The following HUS1 variants were observed in gnomAD, a reference collection of about 807,000 sequenced individuals.
HUS1 encodes the protein checkpoint protein HUS1.
HUS1 carries 31 observed loss-of-function variants against 32.6 expected under a neutral mutation model. The ratio of observed to expected loss-of-function variants is 0.95; its 90% CI spans 0.72 to 1.28. The LOEUF is 1.28. Ranked by LOEUF, HUS1 falls within the 50% of genes most tolerant of loss-of-function variation. The probability of loss-of-function intolerance (pLI) is 0.00; values close to 1 mark genes in which losing one functional copy is unlikely to be tolerated. For missense variants in HUS1, 340 were observed against 337.7 expected, an observed-to-expected ratio of 1.01 and a Z score of -0.05; for synonymous variants, 123 against 116.6, an observed-to-expected ratio of 1.06 and a Z score of -0.36.
Position 47,964,341 on chromosome 7 carries a change from C to A in HUS1, c.*1015G>T, listed in dbSNP as rs1788432332. The A allele has an allele frequency of 6.6e-6, 1 of 152,230 alleles. No homozygotes were observed. The highest frequency in any genetic ancestry group is 1.5e-5 in the Non-Finnish European group (1 of 68,076). 9.4% of individuals were successfully genotyped at this position (152,230 alleles called of 1,614,324 possible). On this transcript the variant is annotated 3_prime_UTR_variant, in exon 8 of 8. Coordinates refer to ENST00000258774, the MANE Select transcript of HUS1 (RefSeq NM_004507.4). ...GGTGAGCCATGATTGTGGCACTGCA[C>A]TCCAGTCTGGGTGACAGAATGAGAC...
intron 5 of HUS1, among the ~76,000 whole-genome samples, chr7:47,971,772 TCA>T (rs1261284632): frequency 2.0e-5 from 3 of 152,210 alleles, no homozygotes; most frequent in African/African-American, 2.4e-5. Context: ...CATTCCATCC[TCA>T]CAGTGTCACA....
chr7:47,968,320 T>A (rs997821300), intron 6 of HUS1, among the ~76,000 whole-genome samples: 21 of 151,696 alleles, frequency 1.4e-4, no homozygotes, highest in African/African-American at 5.1e-4. Context: ...GTACCAAAGA[T>A]AAGTCCCACC....
Position 47,978,772 on chromosome 7 carries a change from G to T in HUS1, c.97C>A (p.Arg33Ser). Residue 33 changes from arginine to serine, a missense_variant, in exon 2 of 8, where the codon CGC becomes AGC. Transcript: ENST00000258774. Reference sequence around the variant, plus strand: ...AAGTTAAGCTTATCAGGGCTGATGCGGAGGGTGCAGGTTTTGGCAAGCTTG... The same window carrying T: ...AAGTTAAGCTTATCAGGGCTGATGCTGAGGGTGCAGGTTTTGGCAAGCTTG... The part of the protein sequence containing the change: ...IAKLAKTCTL[R>S]ISPDKLNFIL... The T allele has an allele frequency of 6.2e-7, 1 of 1,614,188 alleles. No homozygotes were observed. The highest frequency in any genetic ancestry group is 8.5e-7 in the Non-Finnish European group (1 of 1,180,028).
At chr7:47,974,707 G>A (rs1485328153) in intron 5 of HUS1, among the ~76,000 whole-genome samples, 1 of 152,102 alleles carries the variant, frequency 6.6e-6, no homozygotes, top group Non-Finnish European at 1.5e-5. Context: ...GGCAGTGAGT[G>A]AAGGAAGAAT....
chr7:47,967,007 G>A (rs1474234621), intron 7 of HUS1, among the ~76,000 whole-genome samples: 1 of 152,102 alleles, frequency 6.6e-6, no homozygotes, highest in Non-Finnish European at 1.5e-5. Context: ...ATTCAAAAGG[G>A]CTGGTCCTTG....
chr7:47,965,507 G>C (rs927263085), intron 7 of HUS1, 69 bp from the exon 8 acceptor site: 7 of 1,144,750 alleles, frequency 6.1e-6, no homozygotes, highest in Non-Finnish European at 9.2e-6. Flanking sequence ...TACTTTTTCA[G>C]AACAGCCTTC....
chr7:47,976,445 A>G, intron 4 of HUS1: 1 of 491,790 alleles, frequency 2.0e-6, no homozygotes, highest in South Asian at 1.5e-5. Context: ...ATTGGTGTCT[A>G]AGGCCAAGAA....
chr7:47,977,356 T>G (rs527904049), intron 3 of HUS1, among the ~76,000 whole-genome samples: 1 of 151,640 alleles, frequency 6.6e-6, no homozygotes, highest in Admixed American at 6.5e-5. Flanking sequence ...AAGGCCATTC[T>G]TTGGGCATAG....
chr7:47,967,696 T>C (rs1788506888), intron 7 of HUS1, 110 bp downstream of exon 7: 3 of 990,798 alleles, frequency 3.0e-6, no homozygotes, highest in Non-Finnish European at 1.4e-6. Flanking sequence ...ATTGAGCTTT[T>C]TTTTTTTTTT....
intron 5 of HUS1, among the ~76,000 whole-genome samples, chr7:47,970,941 C>A (rs1263648250): frequency 6.6e-6 from 1 of 152,174 alleles, no homozygotes; most frequent in Non-Finnish European, 1.5e-5. Flanking sequence ...AGAGAATAGG[C>A]TTTTAATAAC....
At position 47,969,248 on chromosome 7, in the gene HUS1, T is replaced by C; in HGVS notation, c.611A>G (p.His204Arg). 6.3e-7 allele frequency: 1 copy of C among 1,582,950 alleles called. No homozygotes were observed. The highest frequency in any genetic ancestry group is 1.8e-5 in the Admixed American group (1 of 56,932). The change falls in exon 6 of 8, where the codon CAT (histidine) becomes CGT (arginine). Residue 204 changes from histidine to arginine, a missense_variant. By Grantham distance (29) the His-to-Arg change is conservative. Transcript: ENST00000258774. ...TGGAGGATTTCCAAGATCTTTAAAATGAGTTGTAACACATACTAATTCAGT... is the reference window on the plus strand; with the variant it reads ...TGGAGGATTTCCAAGATCTTTAAAACGAGTTGTAACACATACTAATTCAGT... ...IETELVCVTT[H>R]FKDLGNPPLA...
At chr7:47,978,656 G>A in intron 2 of HUS1, 33 bp downstream of exon 2, 6 of 1,613,112 alleles carry the variant, frequency 3.7e-6, no homozygotes, top group Non-Finnish European at 5.1e-6. Context: ...ACAATCTGCA[G>A]AGTGTGCAGG....
At chr7:47,970,625 T>G (rs1203071106) in intron 5 of HUS1, among the ~76,000 whole-genome samples, 1 of 152,148 alleles carries the variant, frequency 6.6e-6, no homozygotes, top group South Asian at 2.1e-4. Context: ...AGCTCAAAAC[T>G]TTCCTGAAGT....
At position 47,963,322 on chromosome 7, in the gene HUS1, T is replaced by C. The variant is rs1451207065; in HGVS notation, c.*2034A>G. On this transcript the variant is annotated 3_prime_UTR_variant, in exon 8 of 8. Transcript: ENST00000258774. ...AACTAAGGTTTCTTTAGCCACATTC[T>C]ACACAAAGATAAAATCTTAAGCCAT... 1.3e-5 allele frequency: 2 copies of C among 152,248 alleles called. No homozygotes were observed. Among genetic ancestry groups the C allele is most frequent in the East Asian group, 1.9e-4 (1 of 5,200 alleles). The allele number at this position is 152,248 out of a possible 1,614,324, so 9.4% of individuals were successfully genotyped here. A position where few individuals can be genotyped will look rare whatever the true frequency, so the allele number is the denominator to read the frequency against.
chr7:47,968,585 CCAGGTGTTTCT>C (rs1788529251), intron 6 of HUS1, among the ~76,000 whole-genome samples: 2 of 152,174 alleles, frequency 1.3e-5, no homozygotes, highest in Non-Finnish European at 2.9e-5. Flanking sequence ...CTCATCATCC[CCAGGTGTTTCT>C]CCCCTGGTCC....
At chr7:47,965,900 G>A (rs1222907482) in intron 7 of HUS1, among the ~76,000 whole-genome samples, 2 of 152,088 alleles carry the variant, frequency 1.3e-5, no homozygotes, top group East Asian at 3.9e-4. Flanking sequence ...CATGGGTGAT[G>A]GCTAAAATCC....
chr7:47,967,762 G>T, intron 7 of HUS1, 44 bp downstream of exon 7: 1 of 1,549,724 alleles, frequency 6.5e-7, no homozygotes, highest in Non-Finnish European at 8.8e-7. Flanking sequence ...GCAGTATTTA[G>T]AATATGAAAG....
Position 47,964,181 on chromosome 7 carries a change from C to G in HUS1, c.*1175G>C, listed in dbSNP as rs1348287439. Reference sequence around the variant, plus strand: ...GTGGCTTGAGCCCAGGAGTTCAAGACCAGCCTGGACAACACAGTGAGACCC... The same window carrying G: ...GTGGCTTGAGCCCAGGAGTTCAAGAGCAGCCTGGACAACACAGTGAGACCC... On this transcript the variant is annotated 3_prime_UTR_variant, in exon 8 of 8. Coordinates refer to ENST00000258774, the MANE Select transcript of HUS1 (RefSeq NM_004507.4). 1 of 152,212 alleles carries G rather than the reference C, an allele frequency of 6.6e-6. No individual in the cohort carries two copies. Among genetic ancestry groups the G allele is most frequent in the Non-Finnish European group, 1.5e-5 (1 of 68,074 alleles). 9.4% of individuals were successfully genotyped at this position (152,212 alleles called of 1,614,324 possible).
At chr7:47,975,513 G>C in intron 5 of HUS1, 100 bp downstream of exon 5, 1 of 754,030 alleles carries the variant, frequency 1.3e-6, no homozygotes, top group Non-Finnish European at 2.4e-6. Flanking sequence ...AACTCGGTTA[G>C]GAGGTGCCCA....
Sources: allele counts gnomAD v4.1 joint callset (sites outside exome capture counted in the v4.1 genomes callset), GRCh38; gene constraint gnomAD v4.1.1; transcripts MANE v1.5; gene names NCBI Gene and HGNC (gene_info 2026-07-23, HGNC 2026-07-21).